SCAPER: variants seen among roughly 807,000 people sequenced by gnomAD.
The protein encoded by SCAPER is S-phase cyclin A associated protein in the ER, also known as S phase cyclin A-associated protein in the endoplasmic reticulum.
A neutral mutation model predicts 182.2 loss-of-function variants in SCAPER; 98 were observed. The observed-to-expected ratio is 0.54, with a 90% CI of 0.46 to 0.64. The LOEUF (loss-of-function observed/expected upper bound fraction) is 0.64, where lower values mean the gene tolerates loss of function less well. SCAPER is among the 30% of genes least tolerant of loss of function. The pLI is 0.00. For synonymous variants in SCAPER, 605 were observed against 564.6 expected, an observed-to-expected ratio of 1.07 and a Z score of -1.01; for missense variants, 1,432 against 1,690.0, an observed-to-expected ratio of 0.85 and a Z score of 2.68.
At chr15:76,812,361 C>T (rs1158216816) in intron 5 of SCAPER, among the ~76,000 whole-genome samples, 15 of 150,516 alleles carry the variant, frequency 1.0e-4, no homozygotes, top group African/African-American at 2.9e-4. Flanking sequence ...TGGTGGCATG[C>T]GCCTGTAATT....
rs569906854 is a variant in SCAPER at position 76,723,508 on chromosome 15, T to A, written c.2165+5087A>T. Among the ~76,000 whole-genome samples, 1,239 of 152,306 alleles carry A rather than the reference T, an allele frequency of 8.1e-3. 12 individuals carry two copies. The highest frequency in any genetic ancestry group is 0.028 in the African/African-American group (1,175 of 41,556). On this transcript the variant is annotated intron_variant, in intron 17 of 31. Coordinates refer to ENST00000563290, the MANE Select transcript of SCAPER (RefSeq NM_020843.4). ...CCTTGTTAACTTTCTGTCTCATTGA[T>A]CTGTCTAATGTTGACAGTGGGGTGT...
At chr15:76,484,903 C>T (rs1349467854) in intron 24 of SCAPER, among the ~76,000 whole-genome samples, 1 of 123,690 alleles carries the variant, frequency 8.1e-6, no homozygotes, top group Admixed American at 8.9e-5. Context: ...AAGAAACATA[C>T]CCCAAAATAA....
At chr15:76,659,936 T>G (rs559373384) in intron 21 of SCAPER, among the ~76,000 whole-genome samples, 4 of 152,212 alleles carry the variant, frequency 2.6e-5, no homozygotes, top group African/African-American at 4.8e-5. Context: ...TAAAGACACA[T>G]GTATGTCTGT....
At chr15:76,875,231 G>A (rs1363585241) in intron 2 of SCAPER, among the ~76,000 whole-genome samples, 3 of 152,104 alleles carry the variant, frequency 2.0e-5, no homozygotes, top group Non-Finnish European at 4.4e-5. Flanking sequence ...CACATTTTAT[G>A]AGGCCTGAAA....
chr15:76,424,437 C>T (rs969867607), intron 26 of SCAPER, among the ~76,000 whole-genome samples: 3 of 152,154 alleles, frequency 2.0e-5, no homozygotes, highest in African/African-American at 7.2e-5. Context: ...ACTAGGATTG[C>T]AACTCCTGCC....
At chr15:76,567,194 G>C (rs2047097467) in intron 23 of SCAPER, 1 of 308,350 alleles carries the variant, frequency 3.2e-6, no homozygotes, top group African/African-American at 2.2e-5. Context: ...GAGTTTGTGA[G>C]ATATATCCAT....
At chr15:76,618,048 C>T (rs951221618) in intron 22 of SCAPER, among the ~76,000 whole-genome samples, 12 of 152,140 alleles carry the variant, frequency 7.9e-5, no homozygotes, top group African/African-American at 2.9e-4. Context: ...CACTTGAGGT[C>T]AGGAGATCGA....
rs1194998573 is a variant in SCAPER at position 76,600,066 on chromosome 15, T to C, written c.2711+21698A>G. 1.7e-5 allele frequency among the ~76,000 whole-genome samples: 2 copies of C among 120,840 alleles called. 1 individual carries two copies. The highest frequency in any genetic ancestry group is 5.0e-5 in the African/African-American group (2 of 39,678). 79.3% of individuals were successfully genotyped at this position (120,840 alleles called of 152,430 possible). On this transcript the variant is annotated intron_variant, in intron 22 of 31. Transcript: ENST00000563290. ...GATAATGGATAAAGGGATGGAAAGA[T>C]GAATAAATGTGATTAAGTATAGTAA...
At chr15:76,715,174 C>A (rs1019563928) in intron 17 of SCAPER, among the ~76,000 whole-genome samples, 1 of 151,720 alleles carries the variant, frequency 6.6e-6, no homozygotes, top group Non-Finnish European at 1.5e-5. Flanking sequence ...TCCCCCAGAC[C>A]ACATACACCC....
intron 1 of SCAPER, among the ~76,000 whole-genome samples, chr15:76,903,946 T>C (rs559295529): frequency 2.5e-4 from 38 of 152,336 alleles, no homozygotes; most frequent in Non-Finnish European, 4.0e-4. Context: ...CAAAACAGTC[T>C]GCCTTCAAAG....
In SCAPER at chr15:76,733,289, C is replaced by T. The variant is rs746419007; in HGVS notation, c.1962G>A (p.Glu654=). The T allele has an allele frequency of 3.7e-6, 6 of 1,609,582 alleles. No individual in the cohort carries two copies. The highest frequency in any genetic ancestry group is 1.1e-5 in the South Asian group (1 of 90,186). Reference sequence around the variant, plus strand: ...GTCTTCTCTGACGCTCTTCCTGTAGCTCATTAAGCCTCTGTTCATATTCCT... The same window carrying T: ...GTCTTCTCTGACGCTCTTCCTGTAGTTCATTAAGCCTCTGTTCATATTCCT... ...KLKEYEQRLN[E]LQEERQRRQE... is the part of the protein sequence containing the mutation. Residue 654 remains glutamate, a synonymous_variant, in exon 16 of 32, where the codon GAG becomes GAA. Coordinates refer to ENST00000563290, the MANE Select transcript of SCAPER (RefSeq NM_020843.4).
At chr15:76,894,853 G>A (rs1315002604) in intron 1 of SCAPER, among the ~76,000 whole-genome samples, 2 of 151,988 alleles carry the variant, frequency 1.3e-5, no homozygotes, top group Non-Finnish European at 2.9e-5. Flanking sequence ...TAAAAAATCT[G>A]ACCAGATCAA....
intron 8 of SCAPER, among the ~76,000 whole-genome samples, chr15:76,780,232 G>A (rs766572952): frequency 7.2e-5 from 11 of 152,252 alleles, no homozygotes; most frequent in Non-Finnish European, 1.5e-5. Context: ...TCTCTCCCGC[G>A]CCTGGCTCAG....
At chr15:76,622,574 T>C (rs763278817) in intron 21 of SCAPER, among the ~76,000 whole-genome samples, 10 of 152,190 alleles carry the variant, frequency 6.6e-5, no homozygotes, top group Non-Finnish European at 1.0e-4. Flanking sequence ...CTAAGTATGC[T>C]CATTGCCATC....
At chr15:76,777,209 T>A (rs1403449169) in intron 8 of SCAPER, among the ~76,000 whole-genome samples, 3 of 152,188 alleles carry the variant, frequency 2.0e-5, no homozygotes, top group East Asian at 1.9e-4. Flanking sequence ...CAAGAGGAAG[T>A]GGCACATTTA....
intron 24 of SCAPER, among the ~76,000 whole-genome samples, chr15:76,495,564 C>A (rs1214788623): frequency 1.1e-5 from 1 of 94,238 alleles, no homozygotes; most frequent in Non-Finnish European, 1.9e-5. Flanking sequence ...GGCAACAGAG[C>A]AAGACTTGGT....
intron 5 of SCAPER, among the ~76,000 whole-genome samples, chr15:76,835,914 T>C (rs2068903913): frequency 6.9e-6 from 1 of 145,152 alleles, no homozygotes; most frequent in Non-Finnish European, 1.5e-5. Context: ...CAAGAACACA[T>C]TTCCATTCAC....
chr15:76,653,912 CAA>C (rs1358007420), intron 21 of SCAPER, among the ~76,000 whole-genome samples: 2 of 151,930 alleles, frequency 1.3e-5, no homozygotes, highest in Non-Finnish European at 2.9e-5. Flanking sequence ...ATCAGCCGAG[CAA>C]AGAGACAACA....
chr15:76,730,911 T>A (rs1029807922), intron 16 of SCAPER, among the ~76,000 whole-genome samples: 3 of 152,126 alleles, frequency 2.0e-5, no homozygotes, highest in Non-Finnish European at 4.4e-5. Flanking sequence ...CAACATTGTA[T>A]GAAAAGAGAT....
Sources: allele counts gnomAD v4.1 joint callset (sites outside exome capture counted in the v4.1 genomes callset), GRCh38; gene constraint gnomAD v4.1.1; transcripts MANE v1.5; gene names NCBI Gene and HGNC (gene_info 2026-07-23, HGNC 2026-07-21).